The following AQR variants were observed in gnomAD, a reference collection of about 807,000 sequenced individuals.
AQR encodes aquarius intron-binding spliceosomal factor.
AQR carries 61 observed loss-of-function variants against 180.5 expected under a neutral mutation model. The observed-to-expected ratio is 0.34, with a 90% confidence interval of 0.28 to 0.42. AQR has a LOEUF of 0.42. Among genes scored for constraint, AQR ranks in the 10% least tolerant of loss-of-function variants. The probability of loss-of-function intolerance (pLI) is 1.00; values close to 1 mark genes in which losing one functional copy is unlikely to be tolerated. For synonymous variants in AQR, 551 were observed against 588.8 expected, an observed-to-expected ratio of 0.94 and a Z score of 0.93; for missense variants, 1,281 against 1,798.3, an observed-to-expected ratio of 0.71 and a Z score of 5.20.
In AQR at chr15:34,856,699, A is replaced by G; in HGVS notation, c.*93T>C. On this transcript the variant is annotated 3_prime_UTR_variant, in exon 35 of 35. Transcript: ENST00000156471. ...TAAGAACTAAACATTAATTAGTGAC[A>G]GTAAAATGGCAGAAGCAAATATAAA... 1 of 1,068,594 alleles carries G rather than the reference A, an allele frequency of 9.4e-7. No individual in the cohort carries two copies. Among genetic ancestry groups the G allele is most frequent in the Non-Finnish European group, 1.3e-6 (1 of 769,098 alleles). 66.2% of individuals were successfully genotyped at this position (1,068,594 alleles called of 1,614,324 possible). A position where few individuals can be genotyped will look rare whatever the true frequency, so the allele number is the denominator to read the frequency against.
chr15:34,953,237 A>C (rs932952637), intron 3 of AQR, among the ~76,000 whole-genome samples: 1 of 152,232 alleles, frequency 6.6e-6, no homozygotes, highest in Admixed American at 6.5e-5. Context: ...AAAATACTAA[A>C]ATATTGTGGA....
At chr15:34,958,317 A>T (rs550174922) in intron 3 of AQR, among the ~76,000 whole-genome samples, 1 of 152,298 alleles carries the variant, frequency 6.6e-6, no homozygotes, top group South Asian at 2.1e-4. Context: ...GAGTGAGAGC[A>T]GCCTGGGCAA....
chr15:34,900,532 C>T, intron 20 of AQR, 90 bp downstream of exon 20: 1 of 1,494,480 alleles, frequency 6.7e-7, no homozygotes, highest in Non-Finnish European at 9.0e-7. Flanking sequence ...AAATATAGTA[C>T]TCAAAACTCA....
chr15:34,941,056 G>T, intron 7 of AQR, 57 bp from the exon 8 acceptor site: 1 of 1,215,788 alleles, frequency 8.2e-7, no homozygotes, highest in Non-Finnish European at 1.2e-6. Context: ...CAAGGATAAG[G>T]ATTAGATCAA....
intron 7 of AQR, among the ~76,000 whole-genome samples, chr15:34,941,403 GCA>G (rs1894019755): frequency 6.6e-6 from 1 of 152,136 alleles, no homozygotes; most frequent in African/African-American, 2.4e-5. Flanking sequence ...CTCTCTTATA[GCA>G]CTTGCCACTT....
intron 16 of AQR, among the ~76,000 whole-genome samples, chr15:34,911,493 G>A (rs1566987830): frequency 1.3e-5 from 2 of 152,176 alleles, no homozygotes; most frequent in African/African-American, 4.8e-5. Flanking sequence ...TCTAACAGGT[G>A]TGAGGTTTGA....
intron 16 of AQR, among the ~76,000 whole-genome samples, chr15:34,914,834 G>C (rs1480511824): frequency 2.0e-5 from 3 of 152,052 alleles, no homozygotes; most frequent in African/African-American, 7.3e-5. Context: ...CCATTCCCAA[G>C]TACCCAGATA....
chr15:34,858,294 T>G (rs1395045832), intron 34 of AQR, among the ~76,000 whole-genome samples: 1 of 146,094 alleles, frequency 6.8e-6, no homozygotes, highest in African/African-American at 2.6e-5. Flanking sequence ...TTTAAGATTT[T>G]TAAAAAGTAC....
chr15:34,898,136 T>C (rs982450789), intron 20 of AQR, among the ~76,000 whole-genome samples: 1 of 152,156 alleles, frequency 6.6e-6, no homozygotes, highest in Non-Finnish European at 1.5e-5. Context: ...AAGCAGCGTA[T>C]TTCGCCTGGG....
At chr15:34,888,233 G>A (rs1304390163) in intron 24 of AQR, among the ~76,000 whole-genome samples, 2 of 151,714 alleles carry the variant, frequency 1.3e-5, no homozygotes, top group Non-Finnish European at 2.9e-5. Flanking sequence ...AGGAGACAGA[G>A]TTTACAGTGA....
At chr15:34,928,443 G>A (rs759226196) in intron 12 of AQR, among the ~76,000 whole-genome samples, 2 of 152,036 alleles carry the variant, frequency 1.3e-5, no homozygotes, top group Non-Finnish European at 1.5e-5. Flanking sequence ...GAGAACATGC[G>A]GTGTTTGGTT....
chr15:34,939,619 T>G (rs1186604782), intron 8 of AQR, among the ~76,000 whole-genome samples: 1 of 152,196 alleles, frequency 6.6e-6, no homozygotes, highest in Non-Finnish European at 1.5e-5. Flanking sequence ...TGAACAGACA[T>G]GTATCAAGTA....
chr15:34,886,416 A>C, intron 25 of AQR, 110 bp downstream of exon 25: 4 of 1,123,532 alleles, frequency 3.6e-6, no homozygotes, highest in Non-Finnish European at 3.7e-6. Flanking sequence ...CATACATTCT[A>C]ATCTACTCAA....
chr15:34,877,811 A>G (rs1474974452), intron 27 of AQR, among the ~76,000 whole-genome samples: 1 of 152,154 alleles, frequency 6.6e-6, no homozygotes, highest in Non-Finnish European at 1.5e-5. Context: ...CTCTACCAAC[A>G]TATTACATGT....
intron 19 of AQR, among the ~76,000 whole-genome samples, chr15:34,903,890 T>C (rs551462278): frequency 1.2e-4 from 18 of 152,194 alleles, no homozygotes; most frequent in Admixed American, 5.9e-4. Context: ...AGTAAAAATA[T>C]ATTATAACGT....
In AQR at chr15:34,960,662, G is replaced by A. The variant is rs540906054; in HGVS notation, c.173+112C>T. ...TTTTTCTAGTCACCATTGCCCTGACGACCAGTTTGAAACAGAAAAAGGGTT... is the reference window on the plus strand; with the variant it reads ...TTTTTCTAGTCACCATTGCCCTGACAACCAGTTTGAAACAGAAAAAGGGTT... On this transcript the variant is annotated intron_variant, in intron 3 of 34. Transcript: ENST00000156471. 5.1e-3 allele frequency: 2,679 copies of A among 524,804 alleles called. 15 individuals are homozygous for A. Among genetic ancestry groups the A allele is most frequent in the Non-Finnish European group, 7.1e-3 (2,122 of 296,982 alleles). The allele number at this position is 524,804 out of a possible 1,614,324, so 32.5% of individuals were successfully genotyped here. A position where few individuals can be genotyped will look rare whatever the true frequency, so the allele number is the denominator to read the frequency against.
chr15:34,948,899 T>A (rs1476757632), intron 4 of AQR, among the ~76,000 whole-genome samples: 3 of 151,754 alleles, frequency 2.0e-5, no homozygotes, highest in Non-Finnish European at 4.4e-5. Flanking sequence ...CTTTGGAGAA[T>A]GACAGTCCTA....
At chr15:34,904,590 G>T in intron 18 of AQR, 85 bp from the exon 19 acceptor site, 2 of 1,311,264 alleles carry the variant, frequency 1.5e-6, no homozygotes, top group Non-Finnish European at 2.1e-6. Flanking sequence ...TTCTAGAAAT[G>T]GTGAGTAAAT....
chr15:34,964,348 A>AT, intron 1 of AQR, 58 bp from the exon 2 acceptor site: 2 of 1,369,424 alleles, frequency 1.5e-6, no homozygotes, highest in South Asian at 1.2e-5. Context: ...TAGAGCTGGA[A>AT]GACAGATCAT....
Sources: gnomAD v4.1 joint callset for allele counts (sites outside exome capture counted in the v4.1 genomes callset) on GRCh38, gnomAD v4.1.1 for gene constraint, MANE v1.5 for transcripts, NCBI Gene and HGNC (gene_info 2026-07-23, HGNC 2026-07-21) for gene names.